The following ADAM32 variants were observed in gnomAD, a reference collection of about 807,000 sequenced individuals.
ADAM32 encodes the protein disintegrin and metalloproteinase domain-containing protein 32.
In ADAM32, 89 loss-of-function variants were observed where a neutral mutation model predicts 114.9. That is an observed-to-expected ratio of 0.77 (90% CI 0.65 to 0.92). The LOEUF (loss-of-function observed/expected upper bound fraction) is 0.92, where lower values mean the gene tolerates loss of function less well. Ranked by LOEUF, ADAM32 falls within the 40% of genes least tolerant of loss-of-function variation. ADAM32 has a pLI of 0.00. For missense variants in ADAM32, 870 were observed against 932.8 expected (o/e 0.93, Z 0.88); for synonymous variants, 285 against 307.5 (o/e 0.93, Z 0.77).
chr8:39,182,234 C>T (rs1023141640), intron 10 of ADAM32, among the ~76,000 whole-genome samples: 1 of 152,042 alleles, frequency 6.6e-6, no homozygotes, highest in African/African-American at 2.4e-5. Flanking sequence ...AGAAACTCTA[C>T]TTTGACTTGA....
At chr8:39,224,377 T>G (rs1809198193) in intron 14 of ADAM32, among the ~76,000 whole-genome samples, 1 of 152,220 alleles carries the variant, frequency 6.6e-6, no homozygotes, top group East Asian at 1.9e-4. Context: ...CTGTACCAAC[T>G]TATATTCCCA....
At chr8:39,205,614 G>A (rs114041139) in intron 11 of ADAM32, among the ~76,000 whole-genome samples, 4,190 of 152,230 alleles carry the variant, frequency 0.028, 218 homozygotes, top group African/African-American at 0.095. Context: ...CACTTGGTGC[G>A]CTGCACCCAC....
chr8:39,115,235 G>T (rs554213812), intron 1 of ADAM32, among the ~76,000 whole-genome samples: 1 of 152,188 alleles, frequency 6.6e-6, no homozygotes, highest in Admixed American at 6.5e-5. Context: ...TATATACTCA[G>T]TAATGGGACT....
chr8:39,267,066 C>T (rs1335269687), intron 19 of ADAM32, among the ~76,000 whole-genome samples: 1 of 152,230 alleles, frequency 6.6e-6, no homozygotes, highest in African/African-American at 2.4e-5. Context: ...AACAACCCTC[C>T]AATGGGGGCT....
intron 10 of ADAM32, among the ~76,000 whole-genome samples, chr8:39,186,063 A>G (rs1413187917): frequency 2.0e-5 from 3 of 152,130 alleles, no homozygotes; most frequent in Non-Finnish European, 4.4e-5. Flanking sequence ...ATGACTACAG[A>G]TGAGTTACTT....
intron 4 of ADAM32, among the ~76,000 whole-genome samples, chr8:39,149,021 G>C (rs1367204012): frequency 3.9e-5 from 6 of 152,034 alleles, no homozygotes; most frequent in African/African-American, 1.4e-4. Context: ...TGTTTAGAAA[G>C]CATATATTCT....
At chr8:39,110,326 C>G (rs2129443969) in intron 1 of ADAM32, among the ~76,000 whole-genome samples, 1 of 152,304 alleles carries the variant, frequency 6.6e-6, no homozygotes, top group East Asian at 1.9e-4. Context: ...CCACCTTGGC[C>G]TCCCAAAGTG....
intron 10 of ADAM32, 47 bp from the exon 11 acceptor site, chr8:39,186,862 C>A: frequency 1.4e-6 from 2 of 1,458,390 alleles, no homozygotes; most frequent in Non-Finnish European, 1.9e-6. Context: ...TTTTACCACC[C>A]TTTAGAGAAT....
At chr8:39,272,170 G>A (rs1012091241) in intron 20 of ADAM32, among the ~76,000 whole-genome samples, 3 of 151,228 alleles carry the variant, frequency 2.0e-5, no homozygotes, top group African/African-American at 7.3e-5. Context: ...AGGATGAATA[G>A]GGACAAAATG....
intron 2 of ADAM32, among the ~76,000 whole-genome samples, chr8:39,128,210 G>A (rs1802232383): frequency 6.6e-6 from 1 of 152,110 alleles, no homozygotes; most frequent in African/African-American, 2.4e-5. Flanking sequence ...TGCCTGTATT[G>A]GGTGCATATA....
intron 16 of ADAM32, among the ~76,000 whole-genome samples, chr8:39,244,365 A>G (rs1414994857): frequency 6.6e-6 from 1 of 152,198 alleles, no homozygotes; most frequent in Non-Finnish European, 1.5e-5. Flanking sequence ...CAAAAAACAA[A>G]TCTGGAAGCA....
At chr8:39,145,663 C>A (rs949248546) in intron 3 of ADAM32, among the ~76,000 whole-genome samples, 2 of 152,068 alleles carry the variant, frequency 1.3e-5, no homozygotes, top group Non-Finnish European at 2.9e-5. Flanking sequence ...GAATGTGGTC[C>A]ACAGTATGAA....
At chr8:39,268,381 C>T (rs1184604104) in intron 19 of ADAM32, among the ~76,000 whole-genome samples, 1 of 152,106 alleles carries the variant, frequency 6.6e-6, no homozygotes, top group Non-Finnish European at 1.5e-5. Flanking sequence ...CATCTGTATA[C>T]CTTCTCTGGA....
At chr8:39,222,961 A>T in intron 13 of ADAM32, 79 bp from the exon 14 acceptor site, 1 of 1,241,652 alleles carries the variant, frequency 8.1e-7, no homozygotes. Flanking sequence ...GAAAATGATT[A>T]ACACAATTTT....
chr8:39,140,521 T>C (rs1464876134), intron 3 of ADAM32, among the ~76,000 whole-genome samples: 4 of 152,208 alleles, frequency 2.6e-5, no homozygotes, highest in African/African-American at 9.6e-5. Context: ...TCGTGGTGAA[T>C]AAGCTTTTTG....
In ADAM32 at chr8:39,128,158, C is replaced by G. The variant is rs188512968; in HGVS notation, c.139-8499C>G. Reference sequence around the variant, plus strand: ...ACTGTTATTTTGTGGGAGTCTAAGGCTCTTTGTAGGTCTCTAAGATCTTGC... The same window carrying G: ...ACTGTTATTTTGTGGGAGTCTAAGGGTCTTTGTAGGTCTCTAAGATCTTGC... On this transcript the variant is annotated intron_variant, in intron 2 of 24. Transcript: ENST00000379907. Among the ~76,000 whole-genome samples the G allele has an allele frequency of 2.0e-5, 3 of 152,240 alleles. No individual in the cohort carries two copies. In the East Asian group the frequency reaches 5.8e-4, roughly 29 times the overall value.
Position 39,284,817 on chromosome 8 carries a change from A to G in ADAM32, c.*18A>G, listed in dbSNP as rs781239155. 2 of 1,613,510 alleles carry G rather than the reference A, an allele frequency of 1.2e-6. No individual in the cohort carries two copies. Among genetic ancestry groups the G allele is most frequent in the Non-Finnish European group, 8.5e-7 (1 of 1,179,536 alleles). ...GTAACTAGTGATTCCTTCAGAAGGC[A>G]ACGGATAACATCGAGAGTCTCGCTA... On this transcript the variant is annotated 3_prime_UTR_variant, in exon 25 of 25. Coordinates refer to ENST00000379907, the MANE Select transcript of ADAM32 (RefSeq NM_145004.7).
At chr8:39,129,046 A>G (rs753418320) in intron 2 of ADAM32, among the ~76,000 whole-genome samples, 5 of 151,348 alleles carry the variant, frequency 3.3e-5, no homozygotes, top group Admixed American at 1.3e-4. Context: ...GGAAATACAC[A>G]TACACATTGA....
At chr8:39,109,932 A>T (rs1189673654) in intron 1 of ADAM32, among the ~76,000 whole-genome samples, 1 of 151,988 alleles carries the variant, frequency 6.6e-6, no homozygotes, top group Admixed American at 6.6e-5. Context: ...TCATCTCCTT[A>T]GTCTTCTTAG....
Sources: allele counts gnomAD v4.1 joint callset (sites outside exome capture counted in the v4.1 genomes callset), GRCh38; gene constraint gnomAD v4.1.1; transcripts MANE v1.5; gene names NCBI Gene and HGNC (gene_info 2026-07-23, HGNC 2026-07-21).